KCTD16: variants seen among roughly 807,000 people sequenced by gnomAD.
KCTD16 encodes potassium channel tetramerization domain containing 16.
A neutral mutation model predicts 33.2 loss-of-function variants in KCTD16; 13 were observed. That is an observed-to-expected ratio of 0.39 (90% CI 0.25 to 0.62). KCTD16 has a LOEUF of 0.62. Among genes scored for constraint, KCTD16 ranks in the 20% least tolerant of loss-of-function variants. KCTD16 has a pLI of 0.50. For synonymous variants in KCTD16, 197 were observed against 195.3 expected, an observed-to-expected ratio of 1.01 and a Z score of -0.07; for missense variants, 441 against 525.1, an observed-to-expected ratio of 0.84 and a Z score of 1.57.
At chr5:144,224,070 T>C (rs1005025372) in intron 3 of KCTD16, among the ~76,000 whole-genome samples, 23 of 152,218 alleles carry the variant, frequency 1.5e-4, no homozygotes, top group African/African-American at 5.5e-4. Context: ...TTTGTTTTGT[T>C]TTCCTTTGAC....
chr5:144,227,205 G>A (rs555255104), intron 3 of KCTD16, among the ~76,000 whole-genome samples: 6 of 152,334 alleles, frequency 3.9e-5, no homozygotes, highest in Middle Eastern at 3.4e-3. Flanking sequence ...TGGGTTTAGG[G>A]ATGTGTGTTG....
At position 144,257,409 on chromosome 5, in the gene KCTD16, G is replaced by T. The variant is rs73792354; in HGVS notation, c.832+49863G>T. On this transcript the variant is annotated intron_variant, in intron 3 of 3. Transcript: ENST00000512467. ...ACTAAGAATGACACATTTGTTTCAG[G>T]TTTGCAAATTCTAAAATAATTCCAA... Among the ~76,000 whole-genome samples the T allele has an allele frequency of 1.9e-3, 286 of 152,156 alleles. 2 individuals carry two copies. Among genetic ancestry groups the T allele is most frequent in the African/African-American group, 6.4e-3 (266 of 41,528 alleles).
intron 3 of KCTD16, among the ~76,000 whole-genome samples, chr5:144,460,735 G>A (rs1580981956): frequency 6.6e-6 from 1 of 152,144 alleles, no homozygotes; most frequent in African/African-American, 2.4e-5. Context: ...CATTGCACCA[G>A]GCCCATCTTT....
chr5:144,224,414 G>A (rs1265445186), intron 3 of KCTD16, among the ~76,000 whole-genome samples: 11 of 121,528 alleles, frequency 9.1e-5, no homozygotes, highest in African/African-American at 3.1e-4. Flanking sequence ...TCCTCCAAAG[G>A]GCTCAGAAAC....
intron 3 of KCTD16, among the ~76,000 whole-genome samples, chr5:144,313,282 G>C (rs1015063673): frequency 6.6e-6 from 1 of 152,116 alleles, no homozygotes; most frequent in African/African-American, 2.4e-5. Context: ...GATTCATATA[G>C]CATCCATCTC....
At chr5:144,190,798 C>A (rs1410653223) in intron 2 of KCTD16, among the ~76,000 whole-genome samples, 1 of 152,130 alleles carries the variant, frequency 6.6e-6, no homozygotes, top group East Asian at 1.9e-4. Flanking sequence ...AGAATGTGAG[C>A]TCTATGAAGG....
chr5:144,385,791 G>A (rs1211732485), intron 3 of KCTD16, among the ~76,000 whole-genome samples: 2 of 152,172 alleles, frequency 1.3e-5, no homozygotes, highest in Non-Finnish European at 2.9e-5. Flanking sequence ...TCATTTAAGA[G>A]TATGTGTGTC....
At position 144,260,351 on chromosome 5, in the gene KCTD16, A is replaced by G. The variant is rs537898985; in HGVS notation, c.832+52805A>G. ...TCTGCATGGCCTCTGAGCAGCTAGA[A>G]GGGGCCCAGCTGTCTGCTGAGGAAG... is the stretch of plus-strand genomic sequence containing the variant. On this transcript the variant is annotated intron_variant, in intron 3 of 3. Transcript: ENST00000512467. Among the ~76,000 whole-genome samples the G allele has an allele frequency of 3.0e-4, 45 of 152,334 alleles. 1 individual carries two copies. The East Asian group carries it at 7.3e-3, about 25-fold the overall frequency.
chr5:144,321,468 T>C (rs1016246611), intron 3 of KCTD16, among the ~76,000 whole-genome samples: 3 of 152,196 alleles, frequency 2.0e-5, no homozygotes, highest in African/African-American at 7.2e-5. Flanking sequence ...AATTGAGGCA[T>C]GATACAGTGA....
chr5:144,380,462 C>T lies in KCTD16; in HGVS notation c.833-93198C>T, dbSNP rs1056622494. Among the ~76,000 whole-genome samples, 5 of 152,064 alleles carry T rather than the reference C, an allele frequency of 3.3e-5. No individual in the cohort carries two copies. The East Asian group carries it at 7.7e-4, about 23-fold the overall frequency. ...TGCTATTTATATCAAACTATGAATG[C>T]CATTTTTTACAGAATTAGAGAAGAC... is the stretch of plus-strand genomic sequence containing the variant. On this transcript the variant is annotated intron_variant, in intron 3 of 3. Coordinates refer to ENST00000512467, the MANE Select transcript of KCTD16 (RefSeq NM_020768.4).
intron 3 of KCTD16, among the ~76,000 whole-genome samples, chr5:144,300,262 T>G (rs956460254): frequency 3.9e-5 from 6 of 152,218 alleles, no homozygotes; most frequent in Admixed American, 3.3e-4. Context: ...CCAGTTACTC[T>G]TTTGCAAAAA....
intron 3 of KCTD16, among the ~76,000 whole-genome samples, chr5:144,230,248 GC>G (rs1754061975): frequency 6.6e-6 from 1 of 152,198 alleles, no homozygotes; most frequent in African/African-American, 2.4e-5. Flanking sequence ...TTCAATCTCA[GC>G]TGCATTTTCG....
At chr5:144,250,821 G>T (rs771504353) in intron 3 of KCTD16, among the ~76,000 whole-genome samples, 4 of 151,952 alleles carry the variant, frequency 2.6e-5, no homozygotes, top group Non-Finnish European at 5.9e-5. Flanking sequence ...ATAACATGGG[G>T]CTAACAATAT....
intron 3 of KCTD16, among the ~76,000 whole-genome samples, chr5:144,264,021 C>G (rs1199723925): frequency 6.6e-6 from 1 of 152,210 alleles, no homozygotes; most frequent in Admixed American, 6.5e-5. Flanking sequence ...CTCCCAAGAG[C>G]TCCATCTCCT....
chr5:144,297,690 G>A (rs929264868), intron 3 of KCTD16, among the ~76,000 whole-genome samples: 1 of 152,160 alleles, frequency 6.6e-6, no homozygotes, highest in Admixed American at 6.5e-5. Flanking sequence ...GCTCACATCC[G>A]ACCAATCAGG....
intron 3 of KCTD16, among the ~76,000 whole-genome samples, chr5:144,444,794 T>G (rs2126980065): frequency 6.6e-6 from 1 of 151,486 alleles, no homozygotes; most frequent in African/African-American, 2.4e-5. Context: ...TTGTCGTCTA[T>G]TCCAGATTGA....
chr5:144,257,677 C>T (rs1561545275), intron 3 of KCTD16, among the ~76,000 whole-genome samples: 1 of 151,896 alleles, frequency 6.6e-6, no homozygotes, highest in East Asian at 1.9e-4. Context: ...TTAGTAGAGA[C>T]GGGGTTTCAC....
intron 3 of KCTD16, among the ~76,000 whole-genome samples, chr5:144,293,803 G>C (rs1373856801): frequency 6.6e-6 from 1 of 152,158 alleles, no homozygotes; most frequent in Non-Finnish European, 1.5e-5. Flanking sequence ...ATATAATGTT[G>C]AATGCTTTTT....
chr5:144,243,366 G>A (rs956328533), intron 3 of KCTD16, among the ~76,000 whole-genome samples: 19 of 152,114 alleles, frequency 1.2e-4, no homozygotes, highest in Admixed American at 7.2e-4. Flanking sequence ...GGGAAGTTGT[G>A]CTCCTCCTCA....
Sources: gnomAD v4.1 joint callset for allele counts (sites outside exome capture counted in the v4.1 genomes callset) on GRCh38, gnomAD v4.1.1 for gene constraint, MANE v1.5 for transcripts, NCBI Gene and HGNC (gene_info 2026-07-23, HGNC 2026-07-21) for gene names.